Variants in ALOX12B observed in about 807,000 individuals in gnomAD.
ALOX12B encodes the protein arachidonate 12-lipoxygenase, 12R type.
A neutral mutation model predicts 78.9 loss-of-function variants in ALOX12B; 47 were observed. The ratio of observed to expected loss-of-function variants is 0.60; its 90% confidence interval spans 0.47 to 0.76. The LOEUF (loss-of-function observed/expected upper bound fraction) is 0.76. Among genes scored for constraint, ALOX12B ranks in the 30% least tolerant of loss-of-function variants. ALOX12B has a pLI of 0.00. For missense variants in ALOX12B, 805 were observed against 922.6 expected (o/e 0.87, Z 1.65); for synonymous variants, 370 against 374.5 (o/e 0.99, Z 0.14).
At chr17:8,077,228 G>A (rs1278159880) in intron 8 of ALOX12B, 35 bp from the exon 9 acceptor site, 3 of 1,579,520 alleles carry the variant, frequency 1.9e-6, no homozygotes, top group Non-Finnish European at 2.6e-6. Context: ...TTGGGTGAGG[G>A]CAGAGACCCA....
chr17:8,084,419 G>A (rs1486600268), intron 2 of ALOX12B, among the ~76,000 whole-genome samples: 3 of 152,178 alleles, frequency 2.0e-5, no homozygotes, highest in African/African-American at 7.2e-5. Context: ...TTCATCCCCA[G>A]GGCGGAAGAC....
chr17:8,077,890 C>T lies in ALOX12B; in HGVS notation c.1072-697G>A, dbSNP rs1373066538. 2.0e-5 allele frequency among the ~76,000 whole-genome samples: 3 copies of T among 152,178 alleles called. No homozygotes were observed. In the East Asian group the frequency reaches 5.8e-4, roughly 29 times the overall value. ...ACTCACAGATGCACACACATAGGGG[C>T]ATACAAGTACAGCTGGCCCTCCGTA... On this transcript the variant is annotated intron_variant, in intron 8 of 14. Transcript: ENST00000647874.
chr17:8,081,627 G>A (rs1319728476), intron 2 of ALOX12B: 1 of 250,338 alleles, frequency 4.0e-6, no homozygotes, highest in African/African-American at 2.2e-5. Context: ...ATTGTCTATT[G>A]TTTTGCTATG....
intron 11 of ALOX12B, 128 bp from the exon 12 acceptor site, chr17:8,075,844 C>A (rs1977068852): frequency 6.7e-7 from 1 of 1,486,304 alleles, no homozygotes; most frequent in Non-Finnish European, 9.4e-7. Flanking sequence ...TGTGGGAGGG[C>A]AAGTCCTGTG....
Position 8,077,193 on chromosome 17 carries a change from G to A in ALOX12B, c.1072C>T (p.Leu358Phe). 6.2e-7 allele frequency: 1 copy of A among 1,609,568 alleles called. No homozygotes were observed. The highest frequency in any genetic ancestry group is 8.5e-7 in the Non-Finnish European group (1 of 1,178,068). ...EGKMMPIAIQ[L>F]SQTPGPDCPI... ...CAATCTGGCCCAGGGGTCTGGCTGA[G>A]CTAGGTGTGGTGAAAGAGAAAGGGT... Residue 358 changes from leucine (L) to phenylalanine (F), a missense_variant and splice_region_variant, in exon 9 of 15, where the codon CTC becomes TTC. Physicochemically the swap from Leu to Phe is conservative, Grantham distance 22. Transcript: ENST00000647874.
chr17:8,083,514 A>C (rs1214484610), intron 2 of ALOX12B, among the ~76,000 whole-genome samples: 1 of 152,064 alleles, frequency 6.6e-6, no homozygotes, highest in Non-Finnish European at 1.5e-5. Flanking sequence ...GTGGATCATG[A>C]GGTCAGGAAT....
Position 8,077,076 on chromosome 17 carries a change from C to A in ALOX12B, c.1189G>T (p.Ala397Ser). 1.2e-6 allele frequency: 2 copies of A among 1,614,010 alleles called. No individual in the cohort carries two copies. Among genetic ancestry groups the A allele is most frequent in the East Asian group, 2.2e-5 (1 of 44,878 alleles). Residue 397 changes from alanine (A) to serine (S), a missense_variant, in exon 9 of 15, where the codon GCC (alanine) becomes TCC (serine). Coordinates refer to ENST00000647874, the MANE Select transcript of ALOX12B (RefSeq NM_001139.3). Reference protein sequence around the residue: ...YAEFYSHEAIAHLLETHLIAE... With the variant: ...YAEFYSHEAISHLLETHLIAE... ...ATGAGGTGTGTCTCCAGCAGGTGGG[C>A]GATGGCCTCGTGGCTGTAGAACTCC...
At position 8,076,167 on chromosome 17, in the gene ALOX12B, G is replaced by T; in HGVS notation, c.1532+8C>A. The T allele has an allele frequency of 1.2e-6, 2 of 1,613,966 alleles. No homozygotes were observed. The highest frequency in any genetic ancestry group is 2.2e-5 in the South Asian group (2 of 91,074). On this transcript the variant is annotated splice_region_variant and intron_variant, in intron 11 of 14. Transcript: ENST00000647874. ...CCTAAGAGCCACCCACTGCTGTCCT[G>T]AGCTCACTTCTCCAGTGCATTCCAC...
In ALOX12B at chr17:8,087,569, A is replaced by AGTGGTGAG; in HGVS notation, c.-135_-128dup. Reference sequence around the variant, plus strand: ...TGGACAGGGCTGGCCTCCGAGGTGCAGTGGTGAGGTGGCGAGGTGGGGTGA... The same window carrying AGTGGTGAG: ...TGGACAGGGCTGGCCTCCGAGGTGCAGTGGTGAGGTGGTGAGGTGGCGAGGTGGGGTGA... On this transcript the variant is annotated 5_prime_UTR_variant, in exon 1 of 15. Coordinates refer to ENST00000647874, the MANE Select transcript of ALOX12B (RefSeq NM_001139.3). 6.7e-7 allele frequency: 1 copy of AGTGGTGAG among 1,501,330 alleles called. No individual in the cohort carries two copies. The highest frequency in any genetic ancestry group is 9.1e-7 in the Non-Finnish European group (1 of 1,097,900). The allele number at this position is 1,501,330 out of a possible 1,614,324, so 93.0% of individuals were successfully genotyped here.
chr17:8,083,974 C>T (rs991701838), intron 2 of ALOX12B, among the ~76,000 whole-genome samples: 2 of 152,034 alleles, frequency 1.3e-5, no homozygotes, highest in East Asian at 1.9e-4. Flanking sequence ...CTGGCTAACA[C>T]GGTGAAACCC....
rs767711060 is a variant in ALOX12B, at chr17:8,080,178, A to G, written c.754+57T>C. On this transcript the variant is annotated intron_variant, in intron 6 of 14. Transcript: ENST00000647874. The surrounding 1 kb of genome is among the most constrained non-coding windows in gnomAD (Gnocchi z 4.8). ...CTGCCCCGAAGTCGGGGGCCTGCCT[A>G]GCACGCCGGAGACCGCCTGGCTCCC... 24 of 1,579,718 alleles carry G rather than the reference A, an allele frequency of 1.5e-5. No homozygotes were observed. Among genetic ancestry groups the G allele is most frequent in the Non-Finnish European group, 2.0e-5 (23 of 1,148,994 alleles).
At position 8,077,136 on chromosome 17, in the gene ALOX12B, C is replaced by T. The variant is rs1023000914; in HGVS notation, c.1129G>A (p.Asp377Asn). ...ACCCACGTCTTGGCTAGCAGCCAGT[C>T]CCACTCAGAATCACTGGGCAGGAAG... ...PIFLPSDSEW[D>N]WLLAKTWVRY... Residue 377 changes from aspartate (D) to asparagine (N), a missense_variant, in exon 9 of 15, where the codon GAC becomes AAC. Coordinates refer to ENST00000647874, the MANE Select transcript of ALOX12B (RefSeq NM_001139.3). 1.2e-6 allele frequency: 2 copies of T among 1,613,682 alleles called. No homozygotes were observed. Among genetic ancestry groups the T allele is most frequent in the Non-Finnish European group, 1.7e-6 (2 of 1,179,970 alleles).
Position 8,073,337 on chromosome 17 carries a change from C to T in ALOX12B, c.1756-19G>A, listed in dbSNP as rs748506479. 3 of 1,613,972 alleles carry T rather than the reference C, an allele frequency of 1.9e-6. No homozygotes were observed. Among genetic ancestry groups the T allele is most frequent in the African/African-American group, 1.3e-5 (1 of 75,032 alleles). Reference sequence around the variant, plus strand: ...ACTCCATCTGGAGGTGGGATAGAGGCGCGGGTCTGGGTGGAAGAGTACCTC... The same window carrying T: ...ACTCCATCTGGAGGTGGGATAGAGGTGCGGGTCTGGGTGGAAGAGTACCTC... On this transcript the variant is annotated intron_variant, in intron 13 of 14. Coordinates refer to ENST00000647874, the MANE Select transcript of ALOX12B (RefSeq NM_001139.3).
At position 8,087,523 on chromosome 17, in the gene ALOX12B, G is replaced by C; in HGVS notation, c.-81C>G. 1 of 1,604,884 alleles carries C rather than the reference G, an allele frequency of 6.2e-7. No homozygotes were observed. The highest frequency in any genetic ancestry group is 8.5e-7 in the Non-Finnish European group (1 of 1,177,052). On this transcript the variant is annotated 5_prime_UTR_variant, in exon 1 of 15. Coordinates refer to ENST00000647874, the MANE Select transcript of ALOX12B (RefSeq NM_001139.3). ...ACACGAAGGCCCAAGGCAGGCAAGA[G>C]AAGCCAGGCACAGAGTGGAGTGGAC...
At chr17:8,083,141 A>G (rs1019731077) in intron 2 of ALOX12B, among the ~76,000 whole-genome samples, 1 of 152,084 alleles carries the variant, frequency 6.6e-6, no homozygotes. Flanking sequence ...TGGTAGATAT[A>G]GCACATAATA....
rs185409451 is a variant in ALOX12B at position 8,077,389 on chromosome 17, C to T, written c.1072-196G>A. ...TCTTGCTGTTCCTTCTGCTCAACTG[C>T]AGTACCTTCCTCTTGCCCCTGTCTC... On this transcript the variant is annotated intron_variant, in intron 8 of 14. Transcript: ENST00000647874. Among the ~76,000 whole-genome samples, 4 of 152,354 alleles carry T rather than the reference C, an allele frequency of 2.6e-5. No homozygotes were observed. The East Asian group carries it at 5.8e-4, about 22-fold the overall frequency.
rs925294291 is a variant in ALOX12B at position 8,086,319 on chromosome 17, G to A, written c.148-99C>T. 18 of 1,210,658 alleles carry A rather than the reference G, an allele frequency of 1.5e-5. 1 individual carries two copies. The highest frequency in any genetic ancestry group is 4.9e-4 in the Middle Eastern group (2 of 4,076). 75.0% of individuals were successfully genotyped at this position (1,210,658 alleles called of 1,614,324 possible). A position where few individuals can be genotyped will look rare whatever the true frequency, so the allele number is the denominator to read the frequency against. ...CTCACCTAGGCCCTGCTCATGCTGCGCAATGCTCACCTCCCTGGACTGACG... is the reference window on the plus strand; with the variant it reads ...CTCACCTAGGCCCTGCTCATGCTGCACAATGCTCACCTCCCTGGACTGACG... On this transcript the variant is annotated intron_variant, in intron 1 of 14. Transcript: ENST00000647874.
chr17:8,079,656 G>C lies in ALOX12B; in HGVS notation c.927+113C>G. ...GCAGGGGTGGGACGGGGACAGGGAC[G>C]CGGGGTGCGGGCTTGCCTGGGACTG... On this transcript the variant is annotated intron_variant, in intron 7 of 14. Transcript: ENST00000647874. This position sits in a 1 kb window ranked among gnomAD's most constrained non-coding sequence, Gnocchi z 6.4. The C allele has an allele frequency of 6.5e-7, 1 of 1,532,478 alleles. No homozygotes were observed. Among genetic ancestry groups the C allele is most frequent in the Non-Finnish European group, 8.8e-7 (1 of 1,135,414 alleles). The allele number at this position is 1,532,478 out of a possible 1,614,324, so 94.9% of individuals were successfully genotyped here. A position where few individuals can be genotyped will look rare whatever the true frequency, so the allele number is the denominator to read the frequency against.
chr17:8,073,924 T>TC (rs1247824149), intron 12 of ALOX12B, among the ~76,000 whole-genome samples, 167 bp from the exon 13 acceptor site: 1 of 152,008 alleles, frequency 6.6e-6, no homozygotes, highest in Non-Finnish European at 1.5e-5. Flanking sequence ...CAACCCCATC[T>TC]CCCCTCACCC....
Sources: allele counts gnomAD v4.1 joint callset (sites outside exome capture counted in the v4.1 genomes callset), GRCh38; gene constraint gnomAD v4.1.1; non-coding constraint Gnocchi (gnomAD v3.1); transcripts MANE v1.5; gene names NCBI Gene and HGNC (gene_info 2026-07-23, HGNC 2026-07-21).